TBC1D2: variants seen among roughly 807,000 people sequenced by gnomAD.
TBC1D2 encodes TBC1 domain family member 2.
TBC1D2 carries 58 observed loss-of-function variants against 91.1 expected under a neutral mutation model. The ratio of observed to expected loss-of-function variants is 0.64; its 90% confidence interval spans 0.52 to 0.79. The LOEUF is 0.79. Among genes scored for constraint, TBC1D2 ranks in the 30% least tolerant of loss-of-function variants. The pLI is 0.00. For missense variants in TBC1D2, 1,080 were observed against 1,208.3 expected, an observed-to-expected ratio of 0.89 and a Z score of 1.57; for synonymous variants, 482 against 511.5, an observed-to-expected ratio of 0.94 and a Z score of 0.78.
At chr9:98,242,802 CCTTTTT>C (rs1439534375) in intron 3 of TBC1D2, among the ~76,000 whole-genome samples, 1 of 99,842 alleles carries the variant, frequency 1.0e-5, no homozygotes, top group Non-Finnish European at 1.8e-5. Context: ...CACACTGCTG[CCTTTTT>C]TTTTTTTTTT....
chr9:98,218,162 C>A (rs1415791724), intron 6 of TBC1D2, among the ~76,000 whole-genome samples: 1 of 152,108 alleles, frequency 6.6e-6, no homozygotes, highest in Non-Finnish European at 1.5e-5. Context: ...TTATGCAACC[C>A]TTTAAAGCAC....
At chr9:98,225,086 G>A (rs56263540) in intron 5 of TBC1D2, among the ~76,000 whole-genome samples, 5 of 152,310 alleles carry the variant, frequency 3.3e-5, no homozygotes, top group South Asian at 2.1e-4. Flanking sequence ...AAAAAATTAC[G>A]TTCCTTTACC....
chr9:98,200,430 C>A, intron 11 of TBC1D2, 56 bp from the exon 12 acceptor site: 1 of 1,534,986 alleles, frequency 6.5e-7, no homozygotes, highest in Non-Finnish European at 8.8e-7. Context: ...AGGTCATCCC[C>A]GGAGGGAGGG....
chr9:98,254,914 G>A (rs1829941645), intron 1 of TBC1D2, among the ~76,000 whole-genome samples: 1 of 152,202 alleles, frequency 6.6e-6, no homozygotes, highest in Non-Finnish European at 1.5e-5. Context: ...CTACTCTCTA[G>A]ACGCATGGAC....
chr9:98,204,387 G>A (rs543349266), intron 9 of TBC1D2, among the ~76,000 whole-genome samples: 12 of 152,246 alleles, frequency 7.9e-5, no homozygotes, highest in African/African-American at 1.2e-4. Context: ...ACCCAGGGTC[G>A]CCCAGGGGGT....
At position 98,233,563 on chromosome 9, in the gene TBC1D2, A is replaced by T; in HGVS notation, c.648-14T>A. ...TGCATTGTGTTCCTGAAAGGAGACA[A>T]GAACAGAGGAGCATGAGGCTGAACC... On this transcript the variant is annotated splice_polypyrimidine_tract_variant and intron_variant, in intron 3 of 12. Transcript: ENST00000465784. The T allele has an allele frequency of 6.2e-7, 1 of 1,613,538 alleles. No homozygotes were observed. Among genetic ancestry groups the T allele is most frequent in the Admixed American group, 1.7e-5 (1 of 59,934 alleles).
intron 6 of TBC1D2, among the ~76,000 whole-genome samples, chr9:98,220,616 A>T (rs1401408455): frequency 1.3e-5 from 2 of 152,212 alleles, no homozygotes; most frequent in Non-Finnish European, 2.9e-5. Context: ...TAATGGGTCA[A>T]TCAAGGCCCA....
At chr9:98,205,985 T>A (rs1303656084) in intron 9 of TBC1D2, among the ~76,000 whole-genome samples, 1 of 152,118 alleles carries the variant, frequency 6.6e-6, no homozygotes, top group Non-Finnish European at 1.5e-5. Flanking sequence ...GGCTTTCTAT[T>A]ATAAGTAACT....
intron 3 of TBC1D2, among the ~76,000 whole-genome samples, chr9:98,236,512 C>T (rs1238957169): frequency 6.6e-6 from 1 of 152,138 alleles, no homozygotes; most frequent in Non-Finnish European, 1.5e-5. Flanking sequence ...CATGAGCCAC[C>T]GTGCCTGGTC....
At chr9:98,224,861 G>A (rs959472834) in intron 5 of TBC1D2, among the ~76,000 whole-genome samples, 2 of 152,050 alleles carry the variant, frequency 1.3e-5, no homozygotes, top group African/African-American at 4.8e-5. Flanking sequence ...GGGTAGCTCA[G>A]GTGGCCTCTT....
rs770539137 is a variant in TBC1D2, at chr9:98,251,902, A to G, written c.394T>C (p.Tyr132His). The change falls in exon 2 of 13, where the codon TAC becomes CAC. Residue 132 changes from tyrosine to histidine, a missense_variant. Tyr to His is a moderately conservative substitution (Grantham distance 83). Coordinates refer to ENST00000465784, the MANE Select transcript of TBC1D2 (RefSeq NM_001267571.2). ...LKAATKQAMLYWLQQLQMKRW... is the reference protein window; with the variant it reads ...LKAATKQAMLHWLQQLQMKRW... ...TTCATCTGCAGCTGCTGCAGCCAGTACAGCATCGCTTGCTTGGTGGCGGCC... is the reference window on the plus strand; with the variant it reads ...TTCATCTGCAGCTGCTGCAGCCAGTGCAGCATCGCTTGCTTGGTGGCGGCC... The G allele has an allele frequency of 1.8e-5, 29 of 1,600,776 alleles. No homozygotes were observed. The East Asian group carries it at 6.7e-4, about 37-fold the overall frequency.
intron 7 of TBC1D2, among the ~76,000 whole-genome samples, chr9:98,211,302 G>C (rs534287862): frequency 6.6e-6 from 1 of 152,294 alleles, no homozygotes; most frequent in East Asian, 1.9e-4. Context: ...AGCAAGCTCT[G>C]CAGGTGGTAT....
At chr9:98,209,780 C>A (rs1828776803) in intron 8 of TBC1D2, among the ~76,000 whole-genome samples, 1 of 140,080 alleles carries the variant, frequency 7.1e-6, no homozygotes, top group Admixed American at 7.7e-5. Flanking sequence ...TCCTTCCTTC[C>A]TTCCTTCCTT....
intron 2 of TBC1D2, among the ~76,000 whole-genome samples, chr9:98,244,496 C>T (rs888014922): frequency 6.6e-6 from 1 of 151,902 alleles, no homozygotes; most frequent in Non-Finnish European, 1.5e-5. Flanking sequence ...CCTGTCTCTA[C>T]TAAAAACACA....
In TBC1D2 at chr9:98,253,854, T is replaced by A. The variant is rs118098573; in HGVS notation, c.369+1319A>T. On this transcript the variant is annotated intron_variant, in intron 1 of 12. Coordinates refer to ENST00000465784, the MANE Select transcript of TBC1D2 (RefSeq NM_001267571.2). ...TCTCCCTCAGTCTCTCCCACCAGAC[T>A]TTAAGCTGTCAGAGAACCAGGGGTG... Among the ~76,000 whole-genome samples, 494 of 152,282 alleles carry A rather than the reference T, an allele frequency of 3.2e-3. 2 individuals are homozygous for A. Among genetic ancestry groups the A allele is most frequent in the Non-Finnish European group, 5.5e-3 (373 of 68,010 alleles).
chr9:98,221,154 C>G lies in TBC1D2; in HGVS notation c.1053G>C (p.Ala351=), dbSNP rs752372978. The change falls in exon 6 of 13, where the codon GCG becomes GCC. Residue 351 remains alanine, a synonymous_variant. Coordinates refer to ENST00000465784, the MANE Select transcript of TBC1D2 (RefSeq NM_001267571.2). Reference sequence around the variant, plus strand: ...CCAGCCGGTCCTTGTCCTCAGCCGCCGCCAGGTATGCGCTGGACGCCCGCT... The same window carrying G: ...CCAGCCGGTCCTTGTCCTCAGCCGCGGCCAGGTATGCGCTGGACGCCCGCT... ...QEKRASSAYL[A]AAEDKDRLEL... is the part of the protein sequence containing the mutation. 6 of 1,575,632 alleles carry G rather than the reference C, an allele frequency of 3.8e-6. No homozygotes were observed. The Admixed American group carries it at 1.1e-4, about 29-fold the overall frequency.
At chr9:98,242,876 G>C (rs927565486) in intron 3 of TBC1D2, among the ~76,000 whole-genome samples, 2 of 133,196 alleles carry the variant, frequency 1.5e-5, no homozygotes, top group African/African-American at 5.4e-5. Context: ...GAAGTGGTAT[G>C]ATCATGGCTT....
rs778583489 is a variant in TBC1D2, at chr9:98,220,832, C to G, written c.1374+1G>C. The G allele has an allele frequency of 6.2e-7, 1 of 1,613,422 alleles. No individual in the cohort carries two copies. Among genetic ancestry groups the G allele is most frequent in the Admixed American group, 1.7e-5 (1 of 59,986 alleles). On this transcript the variant is annotated splice_donor_variant, in intron 6 of 12. Coordinates refer to ENST00000465784, the MANE Select transcript of TBC1D2 (RefSeq NM_001267571.2). LOFTEE classifies it high-confidence loss of function. ...GGCAGGCCCTGAGGGGAGGCCCCTA[C>G]CTTCAGGTGCTCTATCTTCCCCTGC...
At chr9:98,231,176 T>C (rs185721771) in intron 4 of TBC1D2, among the ~76,000 whole-genome samples, 1 of 151,246 alleles carries the variant, frequency 6.6e-6, no homozygotes, top group Admixed American at 6.6e-5. Context: ...GTTCAATCAG[T>C]GCCCTGGATT....
Sources: gnomAD v4.1 joint callset for allele counts (sites outside exome capture counted in the v4.1 genomes callset) on GRCh38, gnomAD v4.1.1 for gene constraint, MANE v1.5 for transcripts, NCBI Gene and HGNC (gene_info 2026-07-23, HGNC 2026-07-21) for gene names.